Variants in ATXN10 observed in about 807,000 individuals in gnomAD.
ATXN10 encodes ataxin 10.
A neutral mutation model predicts 52.9 loss-of-function variants in ATXN10; 28 were observed. The observed-to-expected ratio is 0.53, with a 90% CI of 0.39 to 0.73. The LOEUF (loss-of-function observed/expected upper bound fraction) is 0.73. Ranked by LOEUF, ATXN10 falls within the 30% of genes least tolerant of loss-of-function variation. The pLI is 0.00. For synonymous variants in ATXN10, 226 were observed against 221.5 expected, an observed-to-expected ratio of 1.02 and a Z score of -0.18; for missense variants, 565 against 577.0, an observed-to-expected ratio of 0.98 and a Z score of 0.21.
chr22:45,791,069 G>T (rs1927492605), intron 9 of ATXN10, among the ~76,000 whole-genome samples: 2 of 152,116 alleles, frequency 1.3e-5, no homozygotes, highest in Non-Finnish European at 2.9e-5. Context: ...ATGTTGCCCA[G>T]GCTGGTCTCA....
At chr22:45,716,519 T>C (rs1420636050) in intron 5 of ATXN10, among the ~76,000 whole-genome samples, 1 of 151,898 alleles carries the variant, frequency 6.6e-6, no homozygotes, top group East Asian at 1.9e-4. Context: ...TGTGTGTTTT[T>C]GGTAGCGATG....
At chr22:45,839,708 C>G (rs1175274911) in intron 10 of ATXN10, among the ~76,000 whole-genome samples, 1 of 152,168 alleles carries the variant, frequency 6.6e-6, no homozygotes, top group Non-Finnish European at 1.5e-5. Flanking sequence ...GATGAAAATC[C>G]ACTCTTTGAT....
At chr22:45,821,237 C>G (rs1341061782) in intron 10 of ATXN10, among the ~76,000 whole-genome samples, 1 of 151,954 alleles carries the variant, frequency 6.6e-6, no homozygotes, top group African/African-American at 2.4e-5. Context: ...AGTACAATTA[C>G]CAGGCATAGT....
chr22:45,760,140 T>C (rs1294694558), intron 9 of ATXN10, among the ~76,000 whole-genome samples: 2 of 152,190 alleles, frequency 1.3e-5, no homozygotes, highest in South Asian at 4.1e-4. Context: ...CAGTAGCCCA[T>C]GTACTGGTGG....
Position 45,732,019 on chromosome 22 carries a change from G to A in ATXN10, c.894+2429G>A, listed in dbSNP as rs1470074944. Among the ~76,000 whole-genome samples, 1 of 152,176 alleles carries A rather than the reference G, an allele frequency of 6.6e-6. No individual in the cohort carries two copies. Among genetic ancestry groups the A allele is most frequent in the African/African-American group, 2.4e-5 (1 of 41,442 alleles). ...AGATCACAGCTTTAAACTTTTCAGGGCACTTCTGTTTAAAATATAGGTGAT... is the reference window on the plus strand; with the variant it reads ...AGATCACAGCTTTAAACTTTTCAGGACACTTCTGTTTAAAATATAGGTGAT... On this transcript the variant is annotated intron_variant, in intron 7 of 11. Transcript: ENST00000252934. This position sits in a 1 kb window ranked among gnomAD's most constrained non-coding sequence, Gnocchi z 4.5.
In ATXN10 at chr22:45,843,533, T is replaced by C; in HGVS notation, c.1426-136T>C. On this transcript the variant is annotated intron_variant, in intron 11 of 11. Transcript: ENST00000252934. The surrounding 1 kb of genome is among the most constrained non-coding windows in gnomAD (Gnocchi z 4.5). ...AAAAAACAGAACTCCTTGAATAATATTGCATGAATTGTTTTAGGTTTCTCT... is the reference window on the plus strand; with the variant it reads ...AAAAAACAGAACTCCTTGAATAATACTGCATGAATTGTTTTAGGTTTCTCT... 1.1e-5 allele frequency: 9 copies of C among 792,850 alleles called. No homozygotes were observed. The highest frequency in any genetic ancestry group is 2.1e-5 in the Admixed American group (1 of 48,446). 49.1% of individuals were successfully genotyped at this position (792,850 alleles called of 1,614,324 possible).
At chr22:45,761,049 G>A (rs1926371152) in intron 9 of ATXN10, among the ~76,000 whole-genome samples, 1 of 152,186 alleles carries the variant, frequency 6.6e-6, no homozygotes, top group South Asian at 2.1e-4. Context: ...TTTCATTATT[G>A]TTGTTTTCCT....
intron 7 of ATXN10, among the ~76,000 whole-genome samples, chr22:45,730,824 T>C (rs1305096273): frequency 1.3e-5 from 2 of 152,220 alleles, no homozygotes; most frequent in East Asian, 1.9e-4. Flanking sequence ...ACAGCTGTTA[T>C]CCTAGGACAT....
chr22:45,672,143 G>C lies in ATXN10; in HGVS notation c.80G>C (p.Arg27Pro). ...CCCATCCAAGACCTGGAGGCCCTGCGCGCGCTCACGGCGCTCTTCAAAGAG... is the reference window on the plus strand; with the variant it reads ...CCCATCCAAGACCTGGAGGCCCTGCCCGCGCTCACGGCGCTCTTCAAAGAG... ...PAPIQDLEALRALTALFKEQR... is the reference protein window; with the variant it reads ...PAPIQDLEALPALTALFKEQR... The change falls in exon 1 of 12, where the codon CGC becomes CCC. Residue 27 changes from arginine to proline, a missense_variant. Coordinates refer to ENST00000252934, the MANE Select transcript of ATXN10 (RefSeq NM_013236.4). 1 of 1,539,872 alleles carries C rather than the reference G, an allele frequency of 6.5e-7. No individual in the cohort carries two copies. Among genetic ancestry groups the C allele is most frequent in the Non-Finnish European group, 8.7e-7 (1 of 1,145,302 alleles).
At chr22:45,686,177 G>T (rs1923127430) in intron 1 of ATXN10, among the ~76,000 whole-genome samples, 2 of 152,170 alleles carry the variant, frequency 1.3e-5, no homozygotes, top group South Asian at 4.1e-4. Flanking sequence ...TGTCAGGCTT[G>T]ATTCCTGGCT....
At chr22:45,751,924 G>T (rs1429011034) in intron 9 of ATXN10, among the ~76,000 whole-genome samples, 3 of 140,938 alleles carry the variant, frequency 2.1e-5, no homozygotes, top group African/African-American at 8.0e-5. Flanking sequence ...CTTTTTTCCT[G>T]TCAGTGCTTG....
chr22:45,795,424 T>TATTCTATTCTATTGTTTTCTATTC lies in ATXN10; in HGVS notation c.1174-11535_1174-11534insATTCTATTCTATTGTTTTCTATTC, dbSNP rs1555896219. ...TATTCTATTCTATTCTATTCTATTC[T>TATTCTATTCTATTGTTTTCTATTC]TTTTGAGATGAAGTCTCTCTATGTT... On this transcript the variant is annotated intron_variant, in intron 9 of 11. Transcript: ENST00000252934. The surrounding 1 kb of genome is among the most constrained non-coding windows in gnomAD (Gnocchi z 4.6). Among the ~76,000 whole-genome samples, 6 of 147,462 alleles carry TATTCTATTCTATTGTTTTCTATTC rather than the reference T, an allele frequency of 4.1e-5. No individual in the cohort carries two copies. Among genetic ancestry groups the TATTCTATTCTATTGTTTTCTATTC allele is most frequent in the East Asian group, 2.0e-4 (1 of 5,100 alleles).
rs538001085 is a variant in ATXN10, at chr22:45,714,997, T to G, written c.648-3416T>G. Reference sequence around the variant, plus strand: ...CGTCCTTGCCCTAGTCCCTATACCCTTACTGCTCCATCCATGGACAACTTT... The same window carrying G: ...CGTCCTTGCCCTAGTCCCTATACCCGTACTGCTCCATCCATGGACAACTTT... On this transcript the variant is annotated intron_variant, in intron 5 of 11. Transcript: ENST00000252934. 3.3e-5 allele frequency among the ~76,000 whole-genome samples: 5 copies of G among 152,296 alleles called. No homozygotes were observed. In the East Asian group the frequency reaches 9.6e-4, roughly 29 times the overall value.
rs1256128732 is a variant in ATXN10 at position 45,732,197 on chromosome 22, A to G, written c.894+2607A>G. On this transcript the variant is annotated intron_variant, in intron 7 of 11. Coordinates refer to ENST00000252934, the MANE Select transcript of ATXN10 (RefSeq NM_013236.4). The surrounding 1 kb of genome is among the most constrained non-coding windows in gnomAD (Gnocchi z 4.5). ...CTGGGAACAGTGGCTCATGCCCGTA[A>G]TCCCAATACTTTGGGACGCCAAGGC... Among the ~76,000 whole-genome samples the G allele has an allele frequency of 6.6e-6, 1 of 152,202 alleles. No individual in the cohort carries two copies. The highest frequency in any genetic ancestry group is 1.5e-5 in the Non-Finnish European group (1 of 68,046).
In ATXN10 at chr22:45,842,139, A is replaced by G. The variant is rs573330634; in HGVS notation, c.1238-852A>G. 1.9e-3 allele frequency among the ~76,000 whole-genome samples: 292 copies of G among 152,260 alleles called. 4 individuals are homozygous for G. The highest frequency in any genetic ancestry group is 6.5e-3 in the African/African-American group (272 of 41,542). Reference sequence around the variant, plus strand: ...ACAGCCTCTCTTGGCAGTCTCTTACATATGTCCCTGGATCCAACCACTGAA... The same window carrying G: ...ACAGCCTCTCTTGGCAGTCTCTTACGTATGTCCCTGGATCCAACCACTGAA... On this transcript the variant is annotated intron_variant, in intron 10 of 11. Transcript: ENST00000252934. This position sits in a 1 kb window ranked among gnomAD's most constrained non-coding sequence, Gnocchi z 4.8.
Position 45,795,932 on chromosome 22 carries a change from T to C in ATXN10, c.1174-11027T>C, listed in dbSNP as rs150888148. Among the ~76,000 whole-genome samples, 1,156 of 152,310 alleles carry C rather than the reference T, an allele frequency of 7.6e-3. 18 individuals carry two copies. The highest frequency in any genetic ancestry group is 0.027 in the African/African-American group (1,103 of 41,574). On this transcript the variant is annotated intron_variant, in intron 9 of 11. Coordinates refer to ENST00000252934, the MANE Select transcript of ATXN10 (RefSeq NM_013236.4). This position sits in a 1 kb window ranked among gnomAD's most constrained non-coding sequence, Gnocchi z 4.6. The stretch of plus-strand genomic sequence containing the variant: ...AAATTGTTTGTAAAGCATGTGTGTT[T>C]GAACAATATGAAATTTGGGCACCTT...
chr22:45,688,983 G>A lies in ATXN10; in HGVS notation c.117-729G>A, dbSNP rs772228475. ...GCAGTACTCCTGGCATGAGAGGCAC[G>A]CAGAGACTGAGATGCCCAGAGGGTA... On this transcript the variant is annotated intron_variant, in intron 1 of 11. Transcript: ENST00000252934. The surrounding 1 kb of genome is among the most constrained non-coding windows in gnomAD (Gnocchi z 4.0). 1.5e-4 allele frequency among the ~76,000 whole-genome samples: 23 copies of A among 152,168 alleles called. No homozygotes were observed. Among genetic ancestry groups the A allele is most frequent in the Admixed American group, 5.9e-4 (9 of 15,278 alleles).
intron 5 of ATXN10, among the ~76,000 whole-genome samples, chr22:45,710,117 C>A (rs540926434): frequency 6.6e-6 from 1 of 152,196 alleles, no homozygotes; most frequent in African/African-American, 2.4e-5. Flanking sequence ...TGTTGTCACT[C>A]CTTGCTTAAA....
intron 9 of ATXN10, among the ~76,000 whole-genome samples, chr22:45,760,897 G>C (rs935847825): frequency 3.3e-5 from 5 of 152,144 alleles, no homozygotes; most frequent in African/African-American, 9.7e-5. Context: ...GTGGATTCCT[G>C]AGCCAGTTAA....
Sources: gnomAD v4.1 joint callset for allele counts (sites outside exome capture counted in the v4.1 genomes callset) on GRCh38, gnomAD v4.1.1 for gene constraint, Gnocchi (gnomAD v3.1) non-coding constraint, MANE v1.5 for transcripts, NCBI Gene and HGNC (gene_info 2026-07-23, HGNC 2026-07-21) for gene names.